The following THSD4 variants were observed in gnomAD, a reference collection of about 807,000 sequenced individuals.
THSD4 encodes the protein thrombospondin type 1 domain containing 4.
In THSD4, 69 loss-of-function variants were observed where a neutral mutation model predicts 119.0. The observed-to-expected ratio is 0.58, with a 90% confidence interval of 0.48 to 0.71. THSD4 has a LOEUF of 0.71. Ranked by LOEUF, THSD4 falls within the 30% of genes least tolerant of loss-of-function variation. THSD4 has a pLI of 0.00. For synonymous variants in THSD4, 524 were observed against 540.4 expected, an observed-to-expected ratio of 0.97 and a Z score of 0.42; for missense variants, 1,393 against 1,391.1, an observed-to-expected ratio of 1.00 and a Z score of -0.02.
intron 7 of THSD4, among the ~76,000 whole-genome samples, chr15:71,543,114 T>A (rs1444046851): frequency 6.6e-6 from 1 of 152,140 alleles, no homozygotes; most frequent in Non-Finnish European, 1.5e-5. Flanking sequence ...GTCTGTAGTT[T>A]AGTTAATATT....
intron 1 of THSD4, among the ~76,000 whole-genome samples, chr15:71,120,367 CCAG>C (rs2040398956): frequency 6.6e-6 from 1 of 152,206 alleles, no homozygotes. Context: ...ACCCCGTCAC[CCAG>C]CTGAGTGTAC....
intron 7 of THSD4, among the ~76,000 whole-genome samples, chr15:71,632,373 T>C (rs1297408967): frequency 6.6e-6 from 1 of 152,204 alleles, no homozygotes; most frequent in East Asian, 1.9e-4. Context: ...TGCCACCCAG[T>C]TGACCTCTCT....
At chr15:71,545,981 T>G (rs1466393345) in intron 7 of THSD4, among the ~76,000 whole-genome samples, 1 of 152,134 alleles carries the variant, frequency 6.6e-6, no homozygotes, top group Non-Finnish European at 1.5e-5. Flanking sequence ...TTAATTTACT[T>G]TCTGGGGCTG....
At chr15:71,520,896 A>G (rs757438158) in intron 7 of THSD4, among the ~76,000 whole-genome samples, 1 of 152,230 alleles carries the variant, frequency 6.6e-6, no homozygotes, top group Non-Finnish European at 1.5e-5. Flanking sequence ...GTTTGGGGCA[A>G]TGCTGCCCAG....
Position 71,155,271 on chromosome 15 carries a change from A to G in THSD4, c.99+339A>G, listed in dbSNP as rs1253068181. 8.5e-5 allele frequency among the ~76,000 whole-genome samples: 13 copies of G among 152,314 alleles called. No individual in the cohort carries two copies. In the East Asian group the frequency reaches 1.7e-3, roughly 20 times the overall value. On this transcript the variant is annotated intron_variant, in intron 3 of 17. Transcript: ENST00000261862. The stretch of plus-strand genomic sequence containing the variant: ...CAGCACTTCACATGGCTGGAGAAGA[A>G]GCAAGAGAGAGAACGGGGAGGTGCC...
chr15:71,453,078 G>C (rs2047288196), intron 7 of THSD4, among the ~76,000 whole-genome samples: 1 of 152,234 alleles, frequency 6.6e-6, no homozygotes, highest in Non-Finnish European at 1.5e-5. Flanking sequence ...CTGCAAGCCA[G>C]AAAGAGAGCC....
chr15:71,466,577 C>T (rs1157805097), intron 7 of THSD4, among the ~76,000 whole-genome samples: 1 of 152,090 alleles, frequency 6.6e-6, no homozygotes, highest in African/African-American at 2.4e-5. Flanking sequence ...AGGGTTTGCT[C>T]CACCTTCTGG....
chr15:71,250,174 ACACCT>A (rs1479034853), intron 5 of THSD4, among the ~76,000 whole-genome samples: 2 of 152,112 alleles, frequency 1.3e-5, no homozygotes, highest in Non-Finnish European at 2.9e-5. Flanking sequence ...ATTACTGTCA[ACACCT>A]CACACATGGA....
rs577193810 is a variant in THSD4 at position 71,353,726 on chromosome 15, G to A, written c.1016-57961G>A. 7.2e-5 allele frequency among the ~76,000 whole-genome samples: 11 copies of A among 152,274 alleles called. No individual in the cohort carries two copies. The South Asian group carries it at 1.0e-3, about 14-fold the overall frequency. ...CAGGATTTGTAGAATGCACTGTCCC[G>A]ACTATTTCAATGCCGGGATGATAAA... On this transcript the variant is annotated intron_variant, in intron 6 of 17. Transcript: ENST00000261862.
At chr15:71,531,561 G>C (rs748819497) in intron 7 of THSD4, among the ~76,000 whole-genome samples, 8 of 152,306 alleles carry the variant, frequency 5.3e-5, no homozygotes, top group Non-Finnish European at 1.0e-4. Flanking sequence ...TTGAATCCCT[G>C]CTTTGCTGCA....
intron 1 of THSD4, among the ~76,000 whole-genome samples, chr15:71,139,343 A>G (rs1473596975): frequency 6.6e-6 from 1 of 152,154 alleles, no homozygotes; most frequent in African/African-American, 2.4e-5. Context: ...ATAATTACTG[A>G]TTAGTTGATG....
intron 3 of THSD4, among the ~76,000 whole-genome samples, chr15:71,191,752 A>T (rs1031391475): frequency 2.0e-5 from 3 of 151,716 alleles, no homozygotes; most frequent in African/African-American, 7.3e-5. Flanking sequence ...TTACCCTTCC[A>T]CATATGAGTC....
At chr15:71,545,558 C>T (rs1427533518) in intron 7 of THSD4, among the ~76,000 whole-genome samples, 3 of 152,166 alleles carry the variant, frequency 2.0e-5, no homozygotes, top group African/African-American at 7.2e-5. Flanking sequence ...GAAAGTTTCC[C>T]AACCCCTGGC....
chr15:71,597,420 C>T (rs937023945), intron 7 of THSD4, among the ~76,000 whole-genome samples: 29 of 152,184 alleles, frequency 1.9e-4, no homozygotes, highest in Admixed American at 6.5e-5. Flanking sequence ...TACCAAAATA[C>T]ACATGTGGTA....
rs532060963 is a variant in THSD4, at chr15:71,512,328, T to C, written c.1152+100505T>C. On this transcript the variant is annotated intron_variant, in intron 7 of 17. Transcript: ENST00000261862. ...AATTTTGCTCACTGTACAGCTTTAT[T>C]AGGAGTACTGGTTGACTCCCACTGA... 2.0e-5 allele frequency among the ~76,000 whole-genome samples: 3 copies of C among 152,312 alleles called. No homozygotes were observed. The South Asian group carries it at 6.2e-4, about 32-fold the overall frequency.
intron 7 of THSD4, among the ~76,000 whole-genome samples, chr15:71,518,075 A>G (rs1011977154): frequency 6.6e-6 from 1 of 152,242 alleles, no homozygotes; most frequent in Non-Finnish European, 1.5e-5. Flanking sequence ...AGTGGACCCA[A>G]GAGCCCTCAG....
intron 6 of THSD4, among the ~76,000 whole-genome samples, chr15:71,399,628 C>T (rs1596401847): frequency 6.6e-6 from 1 of 152,174 alleles, no homozygotes; most frequent in Admixed American, 6.5e-5. Context: ...TGGTTACAAG[C>T]GAGGTCTCCT....
At chr15:71,711,273 G>A (rs940953992) in intron 8 of THSD4, among the ~76,000 whole-genome samples, 2 of 151,830 alleles carry the variant, frequency 1.3e-5, no homozygotes, top group South Asian at 4.2e-4. Flanking sequence ...AAAAACCGAA[G>A]GTACAGAAAA....
chr15:71,300,006 C>A (rs1485049498), intron 6 of THSD4, among the ~76,000 whole-genome samples: 1 of 138,466 alleles, frequency 7.2e-6, no homozygotes, highest in Non-Finnish European at 1.5e-5. Flanking sequence ...TATATATTAG[C>A]CATGGGTGGT....
Sources: gnomAD v4.1 joint callset for allele counts (sites outside exome capture counted in the v4.1 genomes callset) on GRCh38, gnomAD v4.1.1 for gene constraint, MANE v1.5 for transcripts, NCBI Gene and HGNC (gene_info 2026-07-23, HGNC 2026-07-21) for gene names.